The following DNAI4 variants were observed in gnomAD, a reference collection of about 807,000 sequenced individuals.
DNAI4 encodes the protein dynein axonemal intermediate chain 4, also known as WD repeat domain 78.
In DNAI4, 85 loss-of-function variants were observed where a neutral mutation model predicts 105.8. That is an observed-to-expected ratio of 0.80 (90% CI 0.67 to 0.96). DNAI4 has a LOEUF of 0.96. DNAI4 is among the 40% of genes least tolerant of loss of function. The pLI is 0.00. For synonymous variants in DNAI4, 352 were observed against 331.5 expected, an observed-to-expected ratio of 1.06 and a Z score of -0.67; for missense variants, 1,014 against 1,005.6, an observed-to-expected ratio of 1.01 and a Z score of -0.11.
chr1:66,917,268 TTG>T (rs1257080363), intron 1 of DNAI4, among the ~76,000 whole-genome samples: 3 of 152,248 alleles, frequency 2.0e-5, no homozygotes, highest in African/African-American at 7.2e-5. Flanking sequence ...TGTTAAATTA[TTG>T]TGTGCCACAG....
chr1:66,868,188 C>A (rs1646771802), intron 6 of DNAI4, among the ~76,000 whole-genome samples: 1 of 152,134 alleles, frequency 6.6e-6, no homozygotes, highest in Non-Finnish European at 1.5e-5. Flanking sequence ...CAAATTTATA[C>A]TACTATATTT....
At chr1:66,878,969 G>C (rs1647012126) in intron 4 of DNAI4, among the ~76,000 whole-genome samples, 1 of 152,124 alleles carries the variant, frequency 6.6e-6, no homozygotes, top group South Asian at 2.1e-4. Context: ...TTGTAAGGCA[G>C]TTTGATTCTT....
intron 7 of DNAI4, among the ~76,000 whole-genome samples, chr1:66,856,087 C>T (rs61779974): frequency 0.024 from 3,587 of 151,984 alleles, 110 homozygotes; most frequent in South Asian, 0.14. Flanking sequence ...CCGCCTGTCT[C>T]GGCCTCCCAA....
At chr1:66,870,442 C>CA (rs570013620) in intron 6 of DNAI4, among the ~76,000 whole-genome samples, 28,101 of 88,580 alleles carry the variant, frequency 0.32, 3,901 homozygotes, top group African/African-American at 0.48. Context: ...AACTGTGCCT[C>CA]AAAAAAAAAA....
At chr1:66,870,792 T>A (rs1002376162) in intron 6 of DNAI4, 3 of 148,742 alleles carry the variant, frequency 2.0e-5, no homozygotes, top group Non-Finnish European at 4.5e-5. Context: ...AAATATAACT[T>A]TGCTTGTAAT....
chr1:66,843,289 T>C (rs1488292798), intron 8 of DNAI4, among the ~76,000 whole-genome samples: 2 of 151,622 alleles, frequency 1.3e-5, no homozygotes, highest in East Asian at 1.9e-4. Context: ...AATAATATGA[T>C]GTTGAGTATC....
intron 11 of DNAI4, 150 bp downstream of exon 11, chr1:66,835,476 A>C: frequency 1.2e-6 from 1 of 820,428 alleles, no homozygotes; most frequent in Non-Finnish European, 1.9e-6. Flanking sequence ...TTCCAGCTGG[A>C]GAGACAATAT....
intron 16 of DNAI4, among the ~76,000 whole-genome samples, chr1:66,817,390 C>T (rs530689770): frequency 3.3e-5 from 5 of 152,078 alleles, no homozygotes; most frequent in African/African-American, 9.6e-5. Flanking sequence ...CTGGATAACA[C>T]GGCAAAACCC....
rs12217069 is a variant in DNAI4 at position 66,844,102 on chromosome 1, A to C, written c.1291+3382T>G. 2.5e-4 allele frequency among the ~76,000 whole-genome samples: 36 copies of C among 146,834 alleles called. 1 individual carries two copies. The highest frequency in any genetic ancestry group is 2.2e-3 in the East Asian group (10 of 4,604). On this transcript the variant is annotated intron_variant, in intron 8 of 16. Coordinates refer to ENST00000371026, the MANE Select transcript of DNAI4 (RefSeq NM_024763.5). ...GGAGATTCAAAAAAAAAAAAAAAAA[A>C]AAAAACTTTAAACCTTACCTTAGTC...
intron 4 of DNAI4, among the ~76,000 whole-genome samples, chr1:66,882,121 T>C (rs1647086113): frequency 6.6e-6 from 1 of 152,176 alleles, no homozygotes; most frequent in Non-Finnish European, 1.5e-5. Context: ...CTTCCCAGTC[T>C]TGGGTATGTC....
chr1:66,887,474 G>A (rs941099098), intron 4 of DNAI4, among the ~76,000 whole-genome samples: 2 of 152,122 alleles, frequency 1.3e-5, no homozygotes, highest in Non-Finnish European at 2.9e-5. Context: ...GTAGGTCTGG[G>A]AGGGGGGAAG....
intron 7 of DNAI4, among the ~76,000 whole-genome samples, chr1:66,853,443 AC>A: frequency 6.6e-6 from 1 of 152,344 alleles, no homozygotes; most frequent in South Asian, 2.1e-4. Flanking sequence ...ATGGCACACA[AC>A]CACATAGCAA....
chr1:66,835,708 G>T lies in DNAI4; in HGVS notation c.1651C>A (p.Leu551Ile), dbSNP rs1219643712. ...AVDFSIGAPN[L>I]LAVGYHNGTI... ...CCATTGTGATAGCCAACGGCTAAAA[G>T]GTTAGGTGCTCCAATTGAAAAATCC... Residue 551 changes from leucine to isoleucine, a missense_variant, in exon 11 of 17, where the codon CTT becomes ATT. Physicochemically the swap from Leu to Ile is conservative, Grantham distance 5. Transcript: ENST00000371026. 1 of 1,613,936 alleles carries T rather than the reference G, an allele frequency of 6.2e-7. No individual in the cohort carries two copies. The highest frequency in any genetic ancestry group is 1.3e-5 in the African/African-American group (1 of 75,032).
At chr1:66,906,528 T>A (rs1485625376) in intron 1 of DNAI4, among the ~76,000 whole-genome samples, 3 of 152,238 alleles carry the variant, frequency 2.0e-5, no homozygotes, top group African/African-American at 7.2e-5. Context: ...ATAGCATTTA[T>A]CGTTACTTGA....
chr1:66,923,421 G>T (rs982384557), intron 1 of DNAI4, among the ~76,000 whole-genome samples: 2 of 152,218 alleles, frequency 1.3e-5, no homozygotes, highest in Admixed American at 6.5e-5. Flanking sequence ...ATCGATGCAT[G>T]ACTGTATTTA....
chr1:66,914,366 A>C (rs1649909012), intron 1 of DNAI4, among the ~76,000 whole-genome samples: 1 of 152,098 alleles, frequency 6.6e-6, no homozygotes, highest in Admixed American at 6.5e-5. Context: ...CTTTTCTGTT[A>C]AGATAAAAAC....
At chr1:66,835,967 C>A (rs548635480) in intron 10 of DNAI4, among the ~76,000 whole-genome samples, 190 bp from the exon 11 acceptor site, 25 of 151,612 alleles carry the variant, frequency 1.6e-4, no homozygotes, top group Non-Finnish European at 3.2e-4. Flanking sequence ...TCCTTTGATA[C>A]AAGTATGAAT....
intron 4 of DNAI4, among the ~76,000 whole-genome samples, chr1:66,886,020 G>C (rs1647192023): frequency 6.6e-6 from 1 of 152,050 alleles, no homozygotes; most frequent in South Asian, 2.1e-4. Context: ...ACAGTTCTTG[G>C]ATGGCTGTTC....
At chr1:66,881,757 G>T (rs1025993324) in intron 4 of DNAI4, among the ~76,000 whole-genome samples, 3 of 152,132 alleles carry the variant, frequency 2.0e-5, no homozygotes, top group Non-Finnish European at 4.4e-5. Flanking sequence ...AGGCATAATT[G>T]GTTTTGAAAT....
Sources: allele counts gnomAD v4.1 joint callset (sites outside exome capture counted in the v4.1 genomes callset), GRCh38; gene constraint gnomAD v4.1.1; transcripts MANE v1.5; gene names NCBI Gene and HGNC (gene_info 2026-07-23, HGNC 2026-07-21).